SNX31: variants seen among roughly 807,000 people sequenced by gnomAD.
SNX31 encodes sorting nexin 31.
SNX31 carries 58 observed loss-of-function variants against 65.4 expected under a neutral mutation model. The ratio of observed to expected loss-of-function variants is 0.89; its 90% CI spans 0.72 to 1.10. The LOEUF is 1.10. Ranked by LOEUF, SNX31 falls within the 50% of genes least tolerant of loss-of-function variation. The pLI is 0.00. For missense variants in SNX31, 523 were observed against 529.7 expected, an observed-to-expected ratio of 0.99 and a Z score of 0.12; for synonymous variants, 181 against 190.1, an observed-to-expected ratio of 0.95 and a Z score of 0.39.
At position 100,630,352 on chromosome 8, in the gene SNX31, A is replaced by G. The variant is rs752079431; in HGVS notation, c.296T>C (p.Val99Ala). The change falls in exon 4 of 14, where the codon GTT becomes GCT. Residue 99 changes from valine to alanine, a missense_variant. Transcript: ENST00000311812. The surrounding 1 kb of genome is among the most constrained non-coding windows in gnomAD (Gnocchi z 5.3). ...DPNVLRSDVF[V>A]EFLKLAQLNT... ...CAGCTGCGCCAGTTTTAAAAACTCAACGAAGACATCACTTCTCAACACGTT... is the reference window on the plus strand; with the variant it reads ...CAGCTGCGCCAGTTTTAAAAACTCAGCGAAGACATCACTTCTCAACACGTT... 6 of 1,613,464 alleles carry G rather than the reference A, an allele frequency of 3.7e-6. No homozygotes were observed. Among genetic ancestry groups the G allele is most frequent in the East Asian group, 2.2e-5 (1 of 44,862 alleles).
intron 4 of SNX31, chr8:100,618,334 G>C (rs1817412297): frequency 2.6e-6 from 4 of 1,534,758 alleles, no homozygotes; most frequent in Non-Finnish European, 3.5e-6. Context: ...AACTTGCCCA[G>C]TTTTCAGTAT....
At chr8:100,656,447 C>T (rs908731768) in intron 1 of SNX31, among the ~76,000 whole-genome samples, 11 of 151,958 alleles carry the variant, frequency 7.2e-5, no homozygotes, top group African/African-American at 2.7e-4. Flanking sequence ...CAAGACCAGC[C>T]TAGTCCAACA....
chr8:100,582,818 A>C (rs1363628556), intron 12 of SNX31, among the ~76,000 whole-genome samples: 1 of 151,412 alleles, frequency 6.6e-6, no homozygotes, highest in African/African-American at 2.4e-5. Context: ...TCTACTAAAA[A>C]AAAAAATACA....
rs1816847921 is a variant in SNX31, at chr8:100,612,979, GTTCC to G, written c.523+12_523+15del. The G allele has an allele frequency of 1.2e-6, 2 of 1,610,546 alleles. No individual in the cohort carries two copies. The highest frequency in any genetic ancestry group is 1.7e-6 in the Non-Finnish European group (2 of 1,176,800). ...ACCCCATCTCCTAGCTGATTCATTTGTTCCTTCCTTCTTACCAGAGAGCTTGCCC... is the reference window on the plus strand; with the variant it reads ...ACCCCATCTCCTAGCTGATTCATTTGTTCCTTCTTACCAGAGAGCTTGCCC... On this transcript the variant is annotated intron_variant, in intron 6 of 13. Coordinates refer to ENST00000311812, the MANE Select transcript of SNX31 (RefSeq NM_152628.4). This position sits in a 1 kb window ranked among gnomAD's most constrained non-coding sequence, Gnocchi z 4.3.
rs147313456 is a variant in SNX31 at position 100,614,065 on chromosome 8, G to T, written c.433-980C>A. On this transcript the variant is annotated intron_variant, in intron 5 of 13. Transcript: ENST00000311812. This position sits in a 1 kb window ranked among gnomAD's most constrained non-coding sequence, Gnocchi z 5.1. ...ATACATAAATTACCCCCAGGAAGCA[G>T]TCTGATTAGGTGGCTGGTATGAGTG... Among the ~76,000 whole-genome samples, 61 of 152,310 alleles carry T rather than the reference G, an allele frequency of 4.0e-4. No homozygotes were observed. Among genetic ancestry groups the T allele is most frequent in the Middle Eastern group, 6.8e-3 (2 of 294 alleles).
At chr8:100,628,393 T>C (rs1563566914) in intron 4 of SNX31, among the ~76,000 whole-genome samples, 1 of 152,152 alleles carries the variant, frequency 6.6e-6, no homozygotes, top group Non-Finnish European at 1.5e-5. Context: ...ATATATACCA[T>C]GGAATACTAT....
At chr8:100,636,741 G>A (rs1249858925) in intron 2 of SNX31, among the ~76,000 whole-genome samples, 1 of 151,034 alleles carries the variant, frequency 6.6e-6, no homozygotes, top group Non-Finnish European at 1.5e-5. Context: ...TCTTTTTTGA[G>A]ACGGAGTTTC....
chr8:100,598,604 C>T (rs926801460), intron 9 of SNX31, among the ~76,000 whole-genome samples: 4 of 151,800 alleles, frequency 2.6e-5, no homozygotes, highest in Non-Finnish European at 5.9e-5. Context: ...TGTGATATTA[C>T]TAACTATATG....
chr8:100,577,137 A>G (rs902198970), intron 12 of SNX31, 62 bp from the exon 13 acceptor site: 6 of 1,380,550 alleles, frequency 4.3e-6, no homozygotes, highest in African/African-American at 1.4e-5. Context: ...CAAACAATCT[A>G]TTTAACTAGC....
chr8:100,624,617 G>A (rs1178010214), intron 4 of SNX31, among the ~76,000 whole-genome samples: 1 of 152,006 alleles, frequency 6.6e-6, no homozygotes, highest in African/African-American at 2.4e-5. Context: ...GATCAAACAA[G>A]TTTAGAGTGG....
intron 12 of SNX31, among the ~76,000 whole-genome samples, chr8:100,577,643 G>C (rs530005874): frequency 6.6e-6 from 1 of 152,342 alleles, no homozygotes; most frequent in East Asian, 1.9e-4. Flanking sequence ...AATGCATGAA[G>C]GGATGTTGGG....
intron 1 of SNX31, among the ~76,000 whole-genome samples, chr8:100,658,662 G>T (rs968638997): frequency 6.6e-6 from 1 of 152,160 alleles, no homozygotes; most frequent in Non-Finnish European, 1.5e-5. Flanking sequence ...TTGCACAGCT[G>T]GTAAGTCCCA....
intron 2 of SNX31, among the ~76,000 whole-genome samples, chr8:100,647,536 C>G (rs900991943): frequency 1.3e-5 from 2 of 152,132 alleles, no homozygotes; most frequent in African/African-American, 2.4e-5. Context: ...GTGCTTGAAG[C>G]CTCTTGAGTC....
chr8:100,618,947 T>G (rs1317166476), intron 4 of SNX31: 3 of 152,210 alleles, frequency 2.0e-5, no homozygotes, highest in African/African-American at 7.2e-5. Context: ...GACACAGGCA[T>G]AATTGATTAA....
At chr8:100,611,341 C>G (rs565418336) in intron 7 of SNX31, among the ~76,000 whole-genome samples, 1 of 152,130 alleles carries the variant, frequency 6.6e-6, no homozygotes, top group Non-Finnish European at 1.5e-5. Flanking sequence ...CCATTACCTG[C>G]TTTAATCCAT....
At chr8:100,662,496 G>C (rs571972198) in intron 1 of SNX31, among the ~76,000 whole-genome samples, 1 of 152,302 alleles carries the variant, frequency 6.6e-6, no homozygotes, top group East Asian at 1.9e-4. Context: ...TCAGGGGTTT[G>C]AGATCAGCCT....
chr8:100,594,122 G>A lies in SNX31; in HGVS notation c.978+2517C>T, dbSNP rs1276824955. Among the ~76,000 whole-genome samples the A allele has an allele frequency of 1.3e-5, 2 of 152,034 alleles. No individual in the cohort carries two copies. Among genetic ancestry groups the A allele is most frequent in the Admixed American group, 6.6e-5 (1 of 15,256 alleles). The stretch of plus-strand genomic sequence containing the variant: ...GTTTGAGACCAGCCAGGACAACGTG[G>A]TGAAACCTCATCTCTACTAAAAATA... On this transcript the variant is annotated intron_variant, in intron 10 of 13. Transcript: ENST00000311812. This position sits in a 1 kb window ranked among gnomAD's most constrained non-coding sequence, Gnocchi z 4.0.
At chr8:100,607,419 G>C (rs1328812192) in intron 8 of SNX31, among the ~76,000 whole-genome samples, 1 of 152,198 alleles carries the variant, frequency 6.6e-6, no homozygotes, top group East Asian at 1.9e-4. Flanking sequence ...GGCAGGAGAA[G>C]GGAACTGAGG....
chr8:100,596,867 G>A (rs1268315724), intron 9 of SNX31, 25 bp from the exon 10 acceptor site: 20 of 1,606,674 alleles, frequency 1.2e-5, no homozygotes, highest in Admixed American at 1.7e-5. Context: ...GTGATGTGGG[G>A]GGAGGGGAGG....
Sources: allele counts gnomAD v4.1 joint callset (sites outside exome capture counted in the v4.1 genomes callset), GRCh38; gene constraint gnomAD v4.1.1; non-coding constraint Gnocchi (gnomAD v3.1); transcripts MANE v1.5; gene names NCBI Gene and HGNC (gene_info 2026-07-23, HGNC 2026-07-21).